Variants in GPHN observed in about 807,000 individuals in gnomAD.
The protein encoded by GPHN is gephyrin.
Under a neutral mutation model 95.5 loss-of-function variants are expected in GPHN, and 17 were observed. That is an observed-to-expected ratio of 0.18 (90% CI 0.12 to 0.27). The LOEUF is 0.27. GPHN is among the 10% of genes least tolerant of loss of function. The pLI is 1.00. For synonymous variants in GPHN, 320 were observed against 322.5 expected (o/e 0.99, Z 0.08); for missense variants, 660 against 978.1 (o/e 0.67, Z 4.34).
At position 66,785,733 on chromosome 14, in the gene GPHN, CAA is replaced by C. The variant is rs1389067552; in HGVS notation, c.201+9223_201+9224del. 7.5e-5 allele frequency among the ~76,000 whole-genome samples: 8 copies of C among 106,908 alleles called. No individual in the cohort carries two copies. In the South Asian group the frequency reaches 2.3e-3, roughly 31 times the overall value. The allele number at this position is 106,908 out of a possible 152,430, so 70.1% of individuals were successfully genotyped here. A position where few individuals can be genotyped will look rare whatever the true frequency, so the allele number is the denominator to read the frequency against. On this transcript the variant is annotated intron_variant, in intron 3 of 22. Transcript: ENST00000478722. ...AACCAAAAAAAAACCAAAAAACAAA[CAA>C]AAAAAAAAAACAGAAAAATATCAGG...
intron 1 of GPHN, among the ~76,000 whole-genome samples, chr14:66,591,682 C>T (rs1384199701): frequency 6.6e-6 from 1 of 152,154 alleles, no homozygotes; most frequent in Non-Finnish European, 1.5e-5. Context: ...AAAAACATTC[C>T]AAGCTCATGG....
At chr14:67,707,429 A>AAT in the GPHN span, among the ~76,000 whole-genome samples, 11 of 151,798 alleles carry the variant, frequency 7.2e-5, no homozygotes, top group South Asian at 2.3e-3. Flanking sequence ...GAGCAGCAAG[A>AAT]ATATATATAT....
the GPHN span, among the ~76,000 whole-genome samples, chr14:67,348,483 G>A: frequency 6.6e-6 from 1 of 151,352 alleles, no homozygotes; most frequent in Non-Finnish European, 1.5e-5. Flanking sequence ...GGGATTACAG[G>A]TGTGAGCCAC....
chr14:67,327,935 G>C, the GPHN span, among the ~76,000 whole-genome samples: 1 of 152,156 alleles, frequency 6.6e-6, no homozygotes. Context: ...TAGTGCTGCA[G>C]TCAATGTACG....
the GPHN span, among the ~76,000 whole-genome samples, chr14:67,451,384 G>A: frequency 1.3e-5 from 2 of 152,280 alleles, no homozygotes; most frequent in South Asian, 2.1e-4. Flanking sequence ...GCTTGCACCC[G>A]TCACCTGGAA....
intron 4 of GPHN, among the ~76,000 whole-genome samples, chr14:66,852,786 A>G (rs1248451475): frequency 6.6e-6 from 1 of 152,340 alleles, no homozygotes; most frequent in East Asian, 1.9e-4. Context: ...GAATTCTGAC[A>G]TAAAAAATAA....
At chr14:67,391,168 C>T in the GPHN span, among the ~76,000 whole-genome samples, 2 of 152,236 alleles carry the variant, frequency 1.3e-5, no homozygotes, top group African/African-American at 2.4e-5. Flanking sequence ...TCAGTCTACA[C>T]GTGTGCCCAC....
chr14:66,623,143 A>G (rs1433219142), intron 1 of GPHN, among the ~76,000 whole-genome samples: 2 of 152,174 alleles, frequency 1.3e-5, no homozygotes, highest in Non-Finnish European at 2.9e-5. Context: ...CTTGTATGGC[A>G]GTGGACAAAG....
the GPHN span, among the ~76,000 whole-genome samples, chr14:67,717,299 T>C: frequency 6.6e-6 from 1 of 152,190 alleles, no homozygotes; most frequent in African/African-American, 2.4e-5. Flanking sequence ...AGGTGTGTTT[T>C]TGAAGTATAT....
chr14:67,214,279 T>A, the GPHN span, among the ~76,000 whole-genome samples: 4 of 152,198 alleles, frequency 2.6e-5, no homozygotes, highest in Non-Finnish European at 4.4e-5. Context: ...GGTTTTCTTT[T>A]AGGGTTTTTA....
chr14:67,051,673 G>A (rs1323612320), intron 10 of GPHN, among the ~76,000 whole-genome samples: 1 of 152,122 alleles, frequency 6.6e-6, no homozygotes, highest in Non-Finnish European at 1.5e-5. Flanking sequence ...ATTCTCCAAA[G>A]TAAAAATGAA....
At chr14:66,602,521 C>T (rs945222298) in intron 1 of GPHN, among the ~76,000 whole-genome samples, 3 of 152,040 alleles carry the variant, frequency 2.0e-5, no homozygotes, top group Non-Finnish European at 4.4e-5. Context: ...ACACATATAA[C>T]TTGAAATGTG....
the GPHN span, among the ~76,000 whole-genome samples, chr14:67,268,592 TA>T: frequency 6.6e-6 from 1 of 152,188 alleles, no homozygotes; most frequent in Non-Finnish European, 1.5e-5. Context: ...TTAGACCATA[TA>T]GGGTGACTTC....
chr14:67,284,534 G>A, the GPHN span, among the ~76,000 whole-genome samples: 8 of 107,130 alleles, frequency 7.5e-5, no homozygotes, highest in Admixed American at 4.9e-4. Context: ...CCAGGAGATC[G>A]AGGCTGCAGT....
intron 9 of GPHN, among the ~76,000 whole-genome samples, chr14:67,002,309 C>CTTTTTT (rs1177817698): frequency 2.4e-4 from 14 of 58,762 alleles, no homozygotes; most frequent in Admixed American, 6.2e-4. Flanking sequence ...CTTTGTGTTG[C>CTTTTTT]TTTTTTTTTT....
intron 4 of GPHN, among the ~76,000 whole-genome samples, chr14:66,834,721 A>T (rs1364945462): frequency 2.6e-5 from 4 of 151,332 alleles, no homozygotes; most frequent in African/African-American, 7.3e-5. Flanking sequence ...ATTCTCTTTT[A>T]TGGTTGTGTC....
the GPHN span, among the ~76,000 whole-genome samples, chr14:67,544,080 T>C: frequency 6.6e-6 from 1 of 152,168 alleles, no homozygotes; most frequent in Non-Finnish European, 1.5e-5. Context: ...AAGTCAGGAC[T>C]ATTATTTCTT....
chr14:67,430,834 GA>G, the GPHN span, among the ~76,000 whole-genome samples: 4 of 152,162 alleles, frequency 2.6e-5, no homozygotes, highest in African/African-American at 9.7e-5. Context: ...ATCCCCTGAG[GA>G]TTCTGTGATC....
At chr14:66,751,218 G>A (rs771075611) in intron 2 of GPHN, among the ~76,000 whole-genome samples, 7 of 151,928 alleles carry the variant, frequency 4.6e-5, no homozygotes, top group Non-Finnish European at 8.8e-5. Context: ...CCAATAATGG[G>A]ATTGCTGGGT....
Sources: gnomAD v4.1 joint callset for allele counts (sites outside exome capture counted in the v4.1 genomes callset) on GRCh38, gnomAD v4.1.1 for gene constraint, MANE v1.5 for transcripts, NCBI Gene and HGNC (gene_info 2026-07-23, HGNC 2026-07-21) for gene names.